Variants in DTNB observed in about 807,000 individuals in gnomAD.
DTNB encodes the protein dystrobrevin beta, also known as DTN-B.
A neutral mutation model predicts 90.7 loss-of-function variants in DTNB; 63 were observed. That is an observed-to-expected ratio of 0.69 (90% CI 0.57 to 0.86). The LOEUF is 0.86. Ranked by LOEUF, DTNB falls within the 40% of genes least tolerant of loss-of-function variation. The pLI is 0.00. For missense variants in DTNB, 744 were observed against 807.1 expected, an observed-to-expected ratio of 0.92 and a Z score of 0.95; for synonymous variants, 277 against 286.7, an observed-to-expected ratio of 0.97 and a Z score of 0.34.
chr2:25,616,962 A>AAAAAC (rs2070884672), intron 4 of DTNB, among the ~76,000 whole-genome samples: 1 of 149,878 alleles, frequency 6.7e-6, no homozygotes, highest in East Asian at 1.9e-4. Flanking sequence ...AGGAAAAAAA[A>AAAAAC]GACTCATTAA....
chr2:25,503,688 G>A (rs928035720), intron 9 of DTNB, among the ~76,000 whole-genome samples: 1 of 152,194 alleles, frequency 6.6e-6, no homozygotes, highest in Admixed American at 6.5e-5. Flanking sequence ...GCTGAGGTGG[G>A]CGGATCACGA....
chr2:25,526,384 T>A (rs1431053819), intron 9 of DTNB, among the ~76,000 whole-genome samples: 12 of 53,536 alleles, frequency 2.2e-4, no homozygotes, highest in Admixed American at 2.1e-3. Flanking sequence ...TATATATATA[T>A]ATATATATAT....
Position 25,576,944 on chromosome 2 carries a change from C to A in DTNB, c.770G>T (p.Arg257Leu). 6.2e-7 allele frequency: 1 copy of A among 1,612,110 alleles called. No individual in the cohort carries two copies. The highest frequency in any genetic ancestry group is 8.5e-7 in the Non-Finnish European group (1 of 1,179,230). ...RCESMMGFRY[R>L]CQQCHNYQLC... ...CTGATAGTTGTGGCACTGCTGGCAT[C>A]GGTACCGGAAACCCATCATACTCTC... is the stretch of plus-strand genomic sequence containing the variant. The change falls in exon 8 of 21, where the codon CGA becomes CTA. Residue 257 changes from arginine (R) to leucine (L), a missense_variant. Arg to Leu is a moderately radical substitution (Grantham distance 102). Coordinates refer to ENST00000406818, the MANE Select transcript of DTNB (RefSeq NM_021907.5).
chr2:25,569,313 G>A (rs977599813), intron 8 of DTNB, among the ~76,000 whole-genome samples: 2 of 152,206 alleles, frequency 1.3e-5, no homozygotes, highest in Non-Finnish European at 2.9e-5. Flanking sequence ...GAACACCACA[G>A]TACTGATGGC....
At chr2:25,386,029 G>C in intron 18 of DTNB, 1 of 985,464 alleles carries the variant, frequency 1.0e-6, no homozygotes, top group Non-Finnish European at 1.2e-6. Context: ...CTAATCACCT[G>C]TGAGGTCATC....
At chr2:25,381,365 T>C (rs2037707922) in intron 19 of DTNB, among the ~76,000 whole-genome samples, 1 of 152,226 alleles carries the variant, frequency 6.6e-6, no homozygotes, top group African/African-American at 2.4e-5. Flanking sequence ...GAAACACTAC[T>C]GCTCTCTAAT....
At chr2:25,566,719 G>C (rs2059096865) in intron 8 of DTNB, among the ~76,000 whole-genome samples, 1 of 152,212 alleles carries the variant, frequency 6.6e-6, no homozygotes, top group Non-Finnish European at 1.5e-5. Context: ...CATGGGATGT[G>C]AGAGAATAAA....
intron 1 of DTNB, among the ~76,000 whole-genome samples, chr2:25,672,053 T>C (rs1390063378): frequency 1.3e-5 from 2 of 151,838 alleles, no homozygotes; most frequent in South Asian, 2.1e-4. Flanking sequence ...AATGGGATGA[T>C]CTCAAGCAAC....
rs1474543921 is a variant in DTNB, at chr2:25,460,607, G to A, written c.1080-5113C>T. Reference sequence around the variant, plus strand: ...TATCCGGAGGCCACGTGCAACAGGCGTTTCAAGTAGAAAGGAGAGATCTAT... The same window carrying A: ...TATCCGGAGGCCACGTGCAACAGGCATTTCAAGTAGAAAGGAGAGATCTAT... On this transcript the variant is annotated intron_variant, in intron 10 of 20. Transcript: ENST00000406818. Among the ~76,000 whole-genome samples the A allele has an allele frequency of 2.6e-5, 4 of 152,114 alleles. No homozygotes were observed. In the East Asian group the frequency reaches 5.8e-4, roughly 22 times the overall value.
intron 16 of DTNB, among the ~76,000 whole-genome samples, chr2:25,397,447 C>A (rs1425149355): frequency 6.6e-6 from 1 of 151,818 alleles, no homozygotes. Flanking sequence ...TATAAAATGT[C>A]CAGAATAGGC....
intron 3 of DTNB, among the ~76,000 whole-genome samples, chr2:25,628,820 G>A (rs2075033223): frequency 6.6e-6 from 1 of 152,172 alleles, no homozygotes; most frequent in African/African-American, 2.4e-5. Flanking sequence ...CCTAAAGAGA[G>A]AGACAAATAC....
At chr2:25,646,401 G>A (rs2079463829) in intron 2 of DTNB, among the ~76,000 whole-genome samples, 1 of 151,978 alleles carries the variant, frequency 6.6e-6, no homozygotes, top group African/African-American at 2.4e-5. Context: ...GAACCAGGGA[G>A]GCGGAGATTG....
At chr2:25,385,872 C>T (rs1178926356) in intron 18 of DTNB, among the ~76,000 whole-genome samples, 1 of 152,210 alleles carries the variant, frequency 6.6e-6, no homozygotes, top group Non-Finnish European at 1.5e-5. Flanking sequence ...ACGATGAACG[C>T]AGAAGCCACT....
chr2:25,580,206 C>T (rs2061357065), intron 7 of DTNB, among the ~76,000 whole-genome samples: 1 of 151,928 alleles, frequency 6.6e-6, no homozygotes, highest in South Asian at 2.1e-4. Flanking sequence ...GGCTGGAACT[C>T]CTGATCACAA....
At position 25,639,049 on chromosome 2, in the gene DTNB, G is replaced by A; in HGVS notation, c.113C>T (p.Ala38Val). Residue 38 changes from alanine to valine, a missense_variant, in exon 3 of 21, where the codon GCC becomes GTC. By Grantham distance (64) the Ala-to-Val change is moderately conservative (BLOSUM62 0). Transcript: ENST00000406818. ...TTTTTGTACAAATCGTAATTTGCAGGCTGTTCTGTAAGTTGATAGTCGTAT... is the reference window on the plus strand; with the variant it reads ...TTTTTGTACAAATCGTAATTTGCAGACTGTTCTGTAAGTTGATAGTCGTAT... Reference protein sequence around the residue: ...DVIRLSTYRTACKLRFVQKRC... With the variant: ...DVIRLSTYRTVCKLRFVQKRC... 6.3e-7 allele frequency: 1 copy of A among 1,593,812 alleles called. No individual in the cohort carries two copies. Among genetic ancestry groups the A allele is most frequent in the Non-Finnish European group, 8.6e-7 (1 of 1,167,690 alleles).
chr2:25,669,619 C>A (rs962536857), intron 1 of DTNB, among the ~76,000 whole-genome samples: 3 of 152,048 alleles, frequency 2.0e-5, no homozygotes, highest in Admixed American at 2.0e-4. Flanking sequence ...ACACACAGAC[C>A]CACTGAAGAA....
At chr2:25,653,615 A>C (rs1347523269) in intron 1 of DTNB, among the ~76,000 whole-genome samples, 1 of 149,908 alleles carries the variant, frequency 6.7e-6, no homozygotes, top group African/African-American at 2.5e-5. Flanking sequence ...GGGTTCAAGC[A>C]ATTCTTGTGC....
intron 3 of DTNB, 74 bp downstream of exon 3, chr2:25,638,940 T>G: frequency 7.4e-7 from 1 of 1,358,822 alleles, no homozygotes; most frequent in African/African-American, 1.5e-5. Context: ...ACAATACAAC[T>G]AAAAGATGTT....
At chr2:25,461,748 G>C (rs1343116711) in intron 10 of DTNB, among the ~76,000 whole-genome samples, 1 of 152,160 alleles carries the variant, frequency 6.6e-6, no homozygotes, top group East Asian at 1.9e-4. Flanking sequence ...CAACACTCCA[G>C]TAGGAAAAGA....
Sources: allele counts gnomAD v4.1 joint callset (sites outside exome capture counted in the v4.1 genomes callset), GRCh38; gene constraint gnomAD v4.1.1; transcripts MANE v1.5; gene names NCBI Gene and HGNC (gene_info 2026-07-23, HGNC 2026-07-21).